Variants in TIMP2 observed in about 807,000 individuals in gnomAD.
TIMP2 encodes the protein metalloproteinase inhibitor 2.
A neutral mutation model predicts 24.3 loss-of-function variants in TIMP2; 5 were observed. The ratio of observed to expected loss-of-function variants is 0.21; its 90% CI spans 0.11 to 0.43. The LOEUF (loss-of-function observed/expected upper bound fraction) is 0.43, where lower values mean the gene tolerates loss of function less well. TIMP2 is among the 20% of genes least tolerant of loss of function. The pLI, the probability that TIMP2 is intolerant of heterozygous loss-of-function variation, is 1.00. For missense variants in TIMP2, 221 were observed against 297.5 expected (o/e 0.74, Z 1.89); for synonymous variants, 130 against 123.2 (o/e 1.06, Z -0.37).
intron 1 of TIMP2, among the ~76,000 whole-genome samples, chr17:78,893,723 A>T (rs1209275231): frequency 1.3e-5 from 2 of 151,856 alleles, no homozygotes; most frequent in Admixed American, 6.6e-5. Flanking sequence ...AGAGGAGGAG[A>T]AGCTGGTGTT....
chr17:78,913,638 G>A (rs2070228082), intron 1 of TIMP2, among the ~76,000 whole-genome samples: 1 of 152,086 alleles, frequency 6.6e-6, no homozygotes, highest in South Asian at 2.1e-4. Context: ...TTAAGCCCAG[G>A]AGGCTGAGGC....
intron 1 of TIMP2, among the ~76,000 whole-genome samples, chr17:78,909,153 G>C (rs1015770423): frequency 2.0e-5 from 3 of 152,146 alleles, no homozygotes; most frequent in African/African-American, 7.2e-5. Flanking sequence ...TTCGAGACCA[G>C]ACTGGGCAAC....
intron 1 of TIMP2, among the ~76,000 whole-genome samples, chr17:78,908,250 G>GT (rs1266033402): frequency 2.2e-4 from 33 of 152,162 alleles, no homozygotes; most frequent in Non-Finnish European, 3.5e-4. Flanking sequence ...TAACGTTTCC[G>GT]TAAGATAAGC....
At chr17:78,883,253 C>T (rs1395824627) in intron 1 of TIMP2, among the ~76,000 whole-genome samples, 3 of 152,116 alleles carry the variant, frequency 2.0e-5, no homozygotes, top group Non-Finnish European at 2.9e-5. Context: ...GTGTAGACAC[C>T]GGAAGTGAAG....
chr17:78,911,588 C>T (rs532317596), intron 1 of TIMP2, among the ~76,000 whole-genome samples: 2 of 152,086 alleles, frequency 1.3e-5, no homozygotes, highest in East Asian at 2.0e-4. Flanking sequence ...CCACCATGCC[C>T]AGCTAATTTT....
At chr17:78,867,742 C>T (rs1234933797) in intron 3 of TIMP2, among the ~76,000 whole-genome samples, 2 of 151,834 alleles carry the variant, frequency 1.3e-5, no homozygotes, top group African/African-American at 4.8e-5. Context: ...ACTACAGGCG[C>T]CCGCCACCAC....
chr17:78,901,833 G>A (rs1290985212), intron 1 of TIMP2: 1 of 711,104 alleles, frequency 1.4e-6, no homozygotes, highest in Non-Finnish European at 2.6e-6. Context: ...ACACATTACA[G>A]GGAGGCAGAA....
chr17:78,872,460 A>G (rs2069694036), intron 2 of TIMP2, among the ~76,000 whole-genome samples: 1 of 152,044 alleles, frequency 6.6e-6, no homozygotes, highest in Non-Finnish European at 1.5e-5. Context: ...GAAGAATGGC[A>G]TTTTCTCAGC....
intron 1 of TIMP2, among the ~76,000 whole-genome samples, chr17:78,880,855 C>T (rs1325785562): frequency 1.3e-5 from 2 of 152,258 alleles, no homozygotes; most frequent in Non-Finnish European, 2.9e-5. Context: ...TTGAGCCACT[C>T]TGCCGGGCTC....
chr17:78,880,909 C>G (rs1037944928), intron 1 of TIMP2, among the ~76,000 whole-genome samples: 2 of 152,200 alleles, frequency 1.3e-5, no homozygotes, highest in Admixed American at 6.5e-5. Context: ...ATATCAACAC[C>G]CAACGTCTAG....
intron 1 of TIMP2, chr17:78,890,737 G>C: frequency 6.4e-7 from 1 of 1,550,658 alleles, no homozygotes; most frequent in Non-Finnish European, 8.7e-7. Flanking sequence ...GCTGGTCTCG[G>C]ATCATCTGAC....
At chr17:78,865,215 C>T (rs1045335848) in intron 3 of TIMP2, among the ~76,000 whole-genome samples, 1 of 152,092 alleles carries the variant, frequency 6.6e-6, no homozygotes, top group African/African-American at 2.4e-5. Context: ...AGGTGGTTGT[C>T]AGGGGCTGGG....
At chr17:78,911,634 T>G (rs2145792465) in intron 1 of TIMP2, among the ~76,000 whole-genome samples, 1 of 151,982 alleles carries the variant, frequency 6.6e-6, no homozygotes, top group East Asian at 2.0e-4. Flanking sequence ...TTTCGCCATG[T>G]TGGCCAGGCT....
At chr17:78,868,227 G>A (rs2069635592) in intron 3 of TIMP2, among the ~76,000 whole-genome samples, 1 of 151,974 alleles carries the variant, frequency 6.6e-6, no homozygotes, top group Non-Finnish European at 1.5e-5. Flanking sequence ...CCAGGCTAGG[G>A]GAATTGTCTT....
chr17:78,918,544 T>G (rs1262141610), intron 1 of TIMP2, among the ~76,000 whole-genome samples: 2 of 152,192 alleles, frequency 1.3e-5, no homozygotes, highest in East Asian at 1.9e-4. Flanking sequence ...AGTCTGGGTC[T>G]GCCCGCCTTC....
At chr17:78,873,770 C>T in intron 2 of TIMP2, 49 bp downstream of exon 2, 3 of 1,534,146 alleles carry the variant, frequency 2.0e-6, no homozygotes, top group Non-Finnish European at 2.7e-6. Flanking sequence ...CCCCAACACC[C>T]CACAGCTGTG....
intron 3 of TIMP2, 117 bp downstream of exon 3, chr17:78,870,781 G>T: frequency 2.6e-6 from 2 of 778,050 alleles, no homozygotes; most frequent in Non-Finnish European, 4.2e-6. Flanking sequence ...CTGCCTCACT[G>T]TTCCTCAGCT....
In TIMP2 at chr17:78,855,565, TG is replaced by T. The variant is rs1242242689; in HGVS notation, c.*101del. 21 of 1,283,466 alleles carry T rather than the reference TG, an allele frequency of 1.6e-5. No individual in the cohort carries two copies. The highest frequency in any genetic ancestry group is 2.1e-5 in the Admixed American group (1 of 47,786). The allele number at this position is 1,283,466 out of a possible 1,614,324, so 79.5% of individuals were successfully genotyped here. On this transcript the variant is annotated 3_prime_UTR_variant, in exon 5 of 5. Coordinates refer to ENST00000262768, the MANE Select transcript of TIMP2 (RefSeq NM_003255.5). The surrounding 1 kb of genome is among the most constrained non-coding windows in gnomAD (Gnocchi z 6.0). ...TATTAATTTGGACCCATGGGATGAG[TG>T]TTTTATTCATGCTGTTTCCAGGAAG...
intron 1 of TIMP2, among the ~76,000 whole-genome samples, chr17:78,911,152 C>G (rs946500151): frequency 6.6e-5 from 10 of 152,154 alleles, no homozygotes; most frequent in African/African-American, 2.4e-4. Context: ...CCCTTGAACT[C>G]TTGATCTGGA....
Sources: gnomAD v4.1 joint callset for allele counts (sites outside exome capture counted in the v4.1 genomes callset) on GRCh38, gnomAD v4.1.1 for gene constraint, Gnocchi (gnomAD v3.1) non-coding constraint, MANE v1.5 for transcripts, NCBI Gene and HGNC (gene_info 2026-07-23, HGNC 2026-07-21) for gene names.